Variants in PRDM16 observed in about 807,000 individuals in gnomAD.
The protein encoded by PRDM16 is histone-lysine N-methyltransferase PRDM16.
Under a neutral mutation model 110.6 loss-of-function variants are expected in PRDM16, and 23 were observed. The observed-to-expected ratio is 0.21, with a 90% CI of 0.15 to 0.29. PRDM16 has a LOEUF of 0.29. Among genes scored for constraint, PRDM16 ranks in the 10% least tolerant of loss-of-function variants. The probability of loss-of-function intolerance (pLI) is 1.00; values close to 1 mark genes in which losing one functional copy is unlikely to be tolerated. For synonymous variants in PRDM16, 799 were observed against 781.8 expected, an observed-to-expected ratio of 1.02 and a Z score of -0.37; for missense variants, 1,615 against 1,794.3, an observed-to-expected ratio of 0.90 and a Z score of 1.81.
chr1:3,115,465 C>T (rs1051139074), intron 1 of PRDM16, among the ~76,000 whole-genome samples: 24 of 152,354 alleles, frequency 1.6e-4, no homozygotes, highest in Admixed American at 3.9e-4. Flanking sequence ...ACTAATGGCA[C>T]GCGGACTTTG....
chr1:3,298,779 G>A (rs539145076), intron 3 of PRDM16, among the ~76,000 whole-genome samples: 1 of 152,330 alleles, frequency 6.6e-6, no homozygotes, highest in South Asian at 2.1e-4. Flanking sequence ...AGCTGTAGGA[G>A]TCGTAGACCA....
Position 3,148,280 on chromosome 1 carries a change from G to A in PRDM16, c.38-37845G>A, listed in dbSNP as rs1798250. Among the ~76,000 whole-genome samples, 223 of 152,216 alleles carry A rather than the reference G, an allele frequency of 1.5e-3. 2 individuals carry two copies. The highest frequency in any genetic ancestry group is 5.0e-3 in the African/African-American group (207 of 41,556). On this transcript the variant is annotated intron_variant, in intron 1 of 16. Coordinates refer to ENST00000270722, the MANE Select transcript of PRDM16 (RefSeq NM_022114.4). The surrounding 1 kb of genome is among the most constrained non-coding windows in gnomAD (Gnocchi z 5.0). ...CTGGTGGCCCTGGTGAGAGCAGGTC[G>A]GGTGCCAGGACAGAGCAGCCACAGG...
chr1:3,134,840 G>A (rs1285953155), intron 1 of PRDM16, among the ~76,000 whole-genome samples: 1 of 152,234 alleles, frequency 6.6e-6, no homozygotes, highest in Non-Finnish European at 1.5e-5. Context: ...TTGGCAGAGG[G>A]GCCTGACCAC....
intron 1 of PRDM16, among the ~76,000 whole-genome samples, chr1:3,120,122 G>A (rs143808253): frequency 3.9e-5 from 6 of 152,352 alleles, no homozygotes; most frequent in Admixed American, 6.5e-5. Flanking sequence ...CTGAGCTTCC[G>A]TGGGGGATGG....
At chr1:3,082,631 C>T (rs534499471) in intron 1 of PRDM16, among the ~76,000 whole-genome samples, 1 of 152,350 alleles carries the variant, frequency 6.6e-6, no homozygotes, top group African/African-American at 2.4e-5. Context: ...CAGGACAGAG[C>T]CGGGGTTGGG....
At chr1:3,285,010 G>C (rs752849199) in intron 3 of PRDM16, among the ~76,000 whole-genome samples, 12 of 152,318 alleles carry the variant, frequency 7.9e-5, no homozygotes, top group Non-Finnish European at 1.8e-4. Context: ...TTCTCTGGCC[G>C]GTATAGCCCT....
intron 1 of PRDM16, among the ~76,000 whole-genome samples, chr1:3,086,748 C>T (rs1642161352): frequency 1.3e-5 from 2 of 152,178 alleles, no homozygotes; most frequent in African/African-American, 2.4e-5. Flanking sequence ...TGGTTCTTGG[C>T]GTCGTCTGCC....
intron 1 of PRDM16, among the ~76,000 whole-genome samples, chr1:3,075,131 G>A (rs1197907549): frequency 6.6e-6 from 1 of 152,264 alleles, no homozygotes; most frequent in Non-Finnish European, 1.5e-5. Flanking sequence ...TGAGACGCGG[G>A]AACAATGCCC....
intron 1 of PRDM16, among the ~76,000 whole-genome samples, chr1:3,074,444 C>T (rs111700294): frequency 3.9e-5 from 6 of 151,916 alleles, no homozygotes; most frequent in African/African-American, 1.4e-4. Context: ...TGTGTGTGTG[C>T]GTGTCAGGGT....
Position 3,412,765 on chromosome 1 carries a change from C to T in PRDM16, c.2568C>T (p.Ala856=), listed in dbSNP as rs1028577681. 2.0e-6 allele frequency: 3 copies of T among 1,495,294 alleles called. No homozygotes were observed. Among genetic ancestry groups the T allele is most frequent in the African/African-American group, 1.4e-5 (1 of 70,268 alleles). 92.6% of individuals were successfully genotyped at this position (1,495,294 alleles called of 1,614,324 possible). A position where few individuals can be genotyped will look rare whatever the true frequency, so the allele number is the denominator to read the frequency against. The change falls in exon 9 of 17, where the codon GCC becomes GCT. Residue 856 remains alanine (A), a synonymous_variant. Coordinates refer to ENST00000270722, the MANE Select transcript of PRDM16 (RefSeq NM_022114.4). ...CCCAGCAGCCCCCGCTCCACTACGCCAAGCCCTCGCCCTTCTTCATGGACC... is the reference window on the plus strand; with the variant it reads ...CCCAGCAGCCCCCGCTCCACTACGCTAAGCCCTCGCCCTTCTTCATGGACC... ...RMPQQPPLHY[A]KPSPFFMDPI...
At position 3,100,011 on chromosome 1, in the gene PRDM16, T is replaced by C. The variant is rs566755541; in HGVS notation, c.37+30715T>C. On this transcript the variant is annotated intron_variant, in intron 1 of 16. Transcript: ENST00000270722. ...GGCCACTGGGCTCGGCACCCCTGGGTGAGGGAGCCGTAGAGGAGCCTGCTC... is the reference window on the plus strand; with the variant it reads ...GGCCACTGGGCTCGGCACCCCTGGGCGAGGGAGCCGTAGAGGAGCCTGCTC... 1.2e-4 allele frequency among the ~76,000 whole-genome samples: 18 copies of C among 152,162 alleles called. No individual in the cohort carries two copies. In the South Asian group the frequency reaches 3.5e-3, roughly 30 times the overall value.
chr1:3,380,634 A>T (rs1569625860), intron 3 of PRDM16, among the ~76,000 whole-genome samples: 1 of 152,120 alleles, frequency 6.6e-6, no homozygotes, highest in Non-Finnish European at 1.5e-5. Context: ...TGGGTGAGAA[A>T]CCAGCCGTGT....
chr1:3,411,581 C>T lies in PRDM16; in HGVS notation c.1384C>T (p.Pro462Ser). 1 of 1,614,050 alleles carries T rather than the reference C, an allele frequency of 6.2e-7. No homozygotes were observed. Among genetic ancestry groups the T allele is most frequent in the South Asian group, 1.1e-5 (1 of 91,084 alleles). ...TPGGIFAPGL[P>S]LTPSPMMDKA... ...GGGCGGCATCTTTGCCCCGGGCCTGCCCTTGACCCCCAGCCCCATGATGGA... is the reference window on the plus strand; with the variant it reads ...GGGCGGCATCTTTGCCCCGGGCCTGTCCTTGACCCCCAGCCCCATGATGGA... Residue 462 changes from proline (P) to serine (S), a missense_variant, in exon 9 of 17, where the codon CCC (proline) becomes TCC (serine). Transcript: ENST00000270722.
intron 3 of PRDM16, among the ~76,000 whole-genome samples, chr1:3,335,046 A>C (rs2100496837): frequency 6.6e-6 from 1 of 152,354 alleles, no homozygotes; most frequent in Non-Finnish European, 1.5e-5. Context: ...GCACAGCCAG[A>C]GAGGACGGGG....
At chr1:3,233,476 G>A (rs987528606) in intron 2 of PRDM16, among the ~76,000 whole-genome samples, 16 of 152,340 alleles carry the variant, frequency 1.1e-4, no homozygotes, top group African/African-American at 3.1e-4. Flanking sequence ...CTGTCCTGGG[G>A]CGCAAAGGGC....
chr1:3,375,963 G>C (rs1642983385), intron 3 of PRDM16, among the ~76,000 whole-genome samples: 1 of 152,182 alleles, frequency 6.6e-6, no homozygotes, highest in Non-Finnish European at 1.5e-5. Flanking sequence ...CAGAACTCCG[G>C]AACCTGGGCT....
chr1:3,362,760 A>G (rs7524171), intron 3 of PRDM16, among the ~76,000 whole-genome samples: 77,107 of 151,926 alleles, frequency 0.51, 20,341 homozygotes, highest in East Asian at 0.67. Flanking sequence ...AACCTCACAG[A>G]TCCTAAAATC....
At chr1:3,316,126 T>TCTGTCACTGACTGAGGGCGGGTGGGGG (rs1343213721) in intron 3 of PRDM16, among the ~76,000 whole-genome samples, 3 of 144,558 alleles carry the variant, frequency 2.1e-5, no homozygotes, top group African/African-American at 7.7e-5. Flanking sequence ...GCAGGAATCG[T>TCTGTCACTGACTGAGGGCGGGTGGGGG]CTGTCACTGA....
At chr1:3,416,691 A>G (rs1638274169) in intron 10 of PRDM16, among the ~76,000 whole-genome samples, 1 of 152,156 alleles carries the variant, frequency 6.6e-6, no homozygotes, top group African/African-American at 2.4e-5. Context: ...GAGGCAGGCT[A>G]TGAAAATACC....
Sources: gnomAD v4.1 joint callset for allele counts (sites outside exome capture counted in the v4.1 genomes callset) on GRCh38, gnomAD v4.1.1 for gene constraint, Gnocchi (gnomAD v3.1) non-coding constraint, MANE v1.5 for transcripts, NCBI Gene and HGNC (gene_info 2026-07-23, HGNC 2026-07-21) for gene names.